The following NWD1 variants were observed in gnomAD, a reference collection of about 807,000 sequenced individuals.
The protein encoded by NWD1 is NACHT domain- and WD repeat-containing protein 1.
In NWD1, 129 loss-of-function variants were observed where a neutral mutation model predicts 135.1. The observed-to-expected ratio is 0.96, with a 90% CI of 0.83 to 1.11. The LOEUF is 1.11. NWD1 is among the 50% of genes least tolerant of loss of function. The pLI is 0.00. For missense variants in NWD1, 1,740 were observed against 1,851.3 expected (o/e 0.94, Z 1.10); for synonymous variants, 773 against 786.0 (o/e 0.98, Z 0.28).
intron 3 of NWD1, among the ~76,000 whole-genome samples, chr19:16,732,599 A>ATTTTTTT (rs781412874): frequency 8.6e-6 from 1 of 116,162 alleles, no homozygotes; most frequent in Non-Finnish European, 1.7e-5. Flanking sequence ...TGGCTAGGGA[A>ATTTTTTT]TTTTTTTTTT....
chr19:16,746,788 T>C (rs952885829), intron 5 of NWD1, among the ~76,000 whole-genome samples: 3 of 152,142 alleles, frequency 2.0e-5, no homozygotes, highest in Non-Finnish European at 4.4e-5. Flanking sequence ...GAAAATGTTA[T>C]TACAAAAATC....
intron 17 of NWD1, 117 bp from the exon 18 acceptor site, chr19:16,807,469 G>A: frequency 1.3e-6 from 1 of 789,160 alleles, no homozygotes. Context: ...CTACAGCCTG[G>A]GCAACAGAGT....
At chr19:16,786,553 CTTT>C in intron 12 of NWD1, among the ~76,000 whole-genome samples, 1 of 146,190 alleles carries the variant, frequency 6.8e-6, no homozygotes, top group African/African-American at 2.5e-5. Flanking sequence ...GTTGGGGACA[CTTT>C]TTTTTTTTGA....
intron 12 of NWD1, among the ~76,000 whole-genome samples, chr19:16,784,701 T>C (rs1359200394): frequency 1.1e-4 from 16 of 151,084 alleles, no homozygotes. Flanking sequence ...GAGGCCAAGG[T>C]GGGCAGATCA....
At chr19:16,730,759 T>C (rs1447040812) in intron 2 of NWD1, among the ~76,000 whole-genome samples, 1 of 152,030 alleles carries the variant, frequency 6.6e-6, no homozygotes, top group Admixed American at 6.6e-5. Context: ...CTGGGTATGG[T>C]GGCTCATGTC....
At chr19:16,791,207 C>T in intron 13 of NWD1, 143 bp from the exon 14 acceptor site, 1 of 727,482 alleles carries the variant, frequency 1.4e-6, no homozygotes, top group South Asian at 1.8e-5. Context: ...GCACTCCAGC[C>T]TGGGTGAAAA....
chr19:16,749,039 A>G (rs1968437654), intron 5 of NWD1, 100 bp from the exon 6 acceptor site: 2 of 886,766 alleles, frequency 2.3e-6, no homozygotes, highest in Non-Finnish European at 3.5e-6. Context: ...TTGAGAACCA[A>G]TGCACATCCC....
intron 15 of NWD1, among the ~76,000 whole-genome samples, chr19:16,795,196 G>A (rs969753925): frequency 2.6e-5 from 4 of 152,170 alleles, no homozygotes; most frequent in Admixed American, 6.5e-5. Context: ...CCCAGCCCGC[G>A]GCTCCCATGG....
At chr19:16,752,492 A>C (rs1968619497) in intron 6 of NWD1, among the ~76,000 whole-genome samples, 2 of 150,832 alleles carry the variant, frequency 1.3e-5, no homozygotes, top group South Asian at 4.2e-4. Flanking sequence ...CCCTGTCTAT[A>C]CAACAATTTT....
At chr19:16,780,195 G>A (rs147384882) in intron 12 of NWD1, among the ~76,000 whole-genome samples, 212 of 149,502 alleles carry the variant, frequency 1.4e-3, no homozygotes, top group Middle Eastern at 0.01. Flanking sequence ...TTGCTCTGTC[G>A]CCCAAGCTAG....
At chr19:16,771,990 T>C (rs897416141) in intron 10 of NWD1, among the ~76,000 whole-genome samples, 6 of 152,068 alleles carry the variant, frequency 3.9e-5, no homozygotes, top group Admixed American at 3.9e-4. Context: ...CATTTTTTAA[T>C]AGAACGGTTT....
chr19:16,815,139 A>G lies in NWD1; in HGVS notation c.*100A>G. 1 of 1,235,574 alleles carries G rather than the reference A, an allele frequency of 8.1e-7. No homozygotes were observed. Among genetic ancestry groups the G allele is most frequent in the Middle Eastern group, 1.9e-4 (1 of 5,340 alleles). 76.5% of individuals were successfully genotyped at this position (1,235,574 alleles called of 1,614,324 possible). A position where few individuals can be genotyped will look rare whatever the true frequency, so the allele number is the denominator to read the frequency against. On this transcript the variant is annotated 3_prime_UTR_variant, in exon 19 of 19. Coordinates refer to ENST00000524140, the MANE Select transcript of NWD1 (RefSeq NM_001007525.5). ...GGTTATCTGATCCGAGAGAATTTCC[A>G]GTGCCTTTCAGCAAAAGCCTCACCG...
At chr19:16,795,922 G>A (rs1970403454) in intron 15 of NWD1, among the ~76,000 whole-genome samples, 1 of 152,088 alleles carries the variant, frequency 6.6e-6, no homozygotes, top group Non-Finnish European at 1.5e-5. Flanking sequence ...CATCCAGTGA[G>A]TCCTAAGCTC....
chr19:16,804,650 A>T (rs1970699811), intron 17 of NWD1, among the ~76,000 whole-genome samples: 1 of 151,196 alleles, frequency 6.6e-6, no homozygotes, highest in Middle Eastern at 3.2e-3. Flanking sequence ...TTTCTGGAGG[A>T]GGCTGGGGAG....
chr19:16,811,171 T>C (rs1970912653), intron 18 of NWD1, among the ~76,000 whole-genome samples: 2 of 152,258 alleles, frequency 1.3e-5, no homozygotes, highest in Admixed American at 1.3e-4. Context: ...TTTTCCATTC[T>C]AGAATCCAAT....
Position 16,749,253 on chromosome 19 carries a change from C to T in NWD1, c.611C>T (p.Ala204Val). 1 of 1,614,102 alleles carries T rather than the reference C, an allele frequency of 6.2e-7. No homozygotes were observed. Among genetic ancestry groups the T allele is most frequent in the Non-Finnish European group, 8.5e-7 (1 of 1,180,024 alleles). ...CACAAACACATCCTTGAAGACTGCG[C>T]CCTTAGGATGGTGGACCGGCTCGCG... is the stretch of plus-strand genomic sequence containing the variant. ...DLHKHILEDC[A>V]LRMVDRLADG... Residue 204 changes from alanine (A) to valine (V), a missense_variant, in exon 6 of 19, where the codon GCC becomes GTC. Ala to Val is a moderately conservative substitution (Grantham distance 64). Coordinates refer to ENST00000524140, the MANE Select transcript of NWD1 (RefSeq NM_001007525.5).
rs188266162 is a variant in NWD1, at chr19:16,785,988, C to T, written c.2732-2994C>T. Among the ~76,000 whole-genome samples the T allele has an allele frequency of 4.1e-3, 627 of 151,982 alleles. 15 individuals carry two copies. Among genetic ancestry groups the T allele is most frequent in the Admixed American group, 0.032 (491 of 15,234 alleles). ...CAAGCAATCTTCCTGCCTCAGCCTC[C>T]CAAGTAGCTGAGATTACAGGCGCCT... On this transcript the variant is annotated intron_variant, in intron 12 of 18. Transcript: ENST00000524140.
intron 3 of NWD1, among the ~76,000 whole-genome samples, chr19:16,734,559 C>CTTTTTTTTTTTTTTT (rs58061957): frequency 7.3e-6 from 1 of 137,010 alleles, no homozygotes; most frequent in Non-Finnish European, 1.5e-5. Context: ...GATTTTCTTT[C>CTTTTTTTTTTTTTTT]TTTTTTTTTT....
In NWD1 at chr19:16,773,298, G is replaced by A; in HGVS notation, c.2583G>A (p.Arg861=). ...GFLQPPGGPL[R]ATLSGCHKGI... The stretch of plus-strand genomic sequence containing the variant: ...TCCAGCCCCCGGGAGGACCCCTCCG[G>A]GCAACTCTCAGCGGCTGTCACAAAG... The change falls in exon 11 of 19, where the codon CGG becomes CGA. Residue 861 remains arginine (R), a synonymous_variant. Coordinates refer to ENST00000524140, the MANE Select transcript of NWD1 (RefSeq NM_001007525.5). The A allele has an allele frequency of 6.2e-7, 1 of 1,612,960 alleles. No homozygotes were observed. Among genetic ancestry groups the A allele is most frequent in the East Asian group, 2.2e-5 (1 of 44,870 alleles).
Sources: gnomAD v4.1 joint callset for allele counts (sites outside exome capture counted in the v4.1 genomes callset) on GRCh38, gnomAD v4.1.1 for gene constraint, MANE v1.5 for transcripts, NCBI Gene and HGNC (gene_info 2026-07-23, HGNC 2026-07-21) for gene names.